The following CNTN5 variants were observed in gnomAD, a reference collection of about 807,000 sequenced individuals.
The protein encoded by CNTN5 is contactin-5.
A neutral mutation model predicts 129.1 loss-of-function variants in CNTN5; 77 were observed. That is an observed-to-expected ratio of 0.60 (90% CI 0.50 to 0.72). The LOEUF (loss-of-function observed/expected upper bound fraction) is 0.72. Ranked by LOEUF, CNTN5 falls within the 30% of genes least tolerant of loss-of-function variation. The probability of loss-of-function intolerance (pLI) is 0.00; values close to 1 mark genes in which losing one functional copy is unlikely to be tolerated. For synonymous variants in CNTN5, 509 were observed against 465.6 expected (o/e 1.09, Z -1.20); for missense variants, 1,478 against 1,328.8 (o/e 1.11, Z -1.75).
intron 2 of CNTN5, among the ~76,000 whole-genome samples, chr11:99,552,207 G>GTT (rs758718492): frequency 0.014 from 2,020 of 146,596 alleles, 53 homozygotes; most frequent in African/African-American, 0.046. Flanking sequence ...CACCTGGTCA[G>GTT]TTTTTGTGTT....
chr11:99,320,031 G>A (rs1168061824), intron 1 of CNTN5, among the ~76,000 whole-genome samples: 1 of 152,170 alleles, frequency 6.6e-6, no homozygotes, highest in Non-Finnish European at 1.5e-5. Flanking sequence ...CTTGACGTCA[G>A]GAGTTCGAGA....
At chr11:99,484,561 C>A (rs2466896) in intron 2 of CNTN5, among the ~76,000 whole-genome samples, 152,325 of 152,326 alleles carry the variant, frequency 1, 76,162 homozygotes, top group Middle Eastern at 1. Flanking sequence ...TCAGTACATC[C>A]AAAAGACATC....
At chr11:100,051,771 G>C (rs532799124) in intron 9 of CNTN5, among the ~76,000 whole-genome samples, 34 of 151,872 alleles carry the variant, frequency 2.2e-4, no homozygotes, top group African/African-American at 7.7e-4. Flanking sequence ...ACATCACTAC[G>C]TCTCTATCCT....
intron 16 of CNTN5, among the ~76,000 whole-genome samples, chr11:100,230,051 A>G (rs1304894913): frequency 4.6e-5 from 7 of 152,218 alleles, no homozygotes; most frequent in Non-Finnish European, 7.3e-5. Context: ...GACAATGACA[A>G]ATGTTTTCAG....
chr11:99,517,506 T>A (rs1947103654), intron 2 of CNTN5, among the ~76,000 whole-genome samples: 1 of 152,150 alleles, frequency 6.6e-6, no homozygotes, highest in Admixed American at 6.6e-5. Flanking sequence ...ACTTAAGGTT[T>A]ATATTCACAC....
chr11:99,044,946 T>C (rs1477086965), intron 1 of CNTN5, among the ~76,000 whole-genome samples: 1 of 152,140 alleles, frequency 6.6e-6, no homozygotes, highest in Non-Finnish European at 1.5e-5. Context: ...GTGTAGTTAT[T>C]CCACCTTTCT....
At chr11:99,744,576 TG>T (rs1200068649) in intron 3 of CNTN5, among the ~76,000 whole-genome samples, 3 of 59,910 alleles carry the variant, frequency 5.0e-5, no homozygotes, top group African/African-American at 1.2e-4. Flanking sequence ...AAAAAAAAGC[TG>T]GGTGTAGTGG....
intron 10 of CNTN5, among the ~76,000 whole-genome samples, chr11:100,061,717 G>T (rs1591160622): frequency 6.6e-6 from 1 of 151,982 alleles, no homozygotes; most frequent in Non-Finnish European, 1.5e-5. Context: ...CTACAACTTG[G>T]CCAGAATCAG....
At chr11:99,216,205 G>A (rs572505989) in intron 1 of CNTN5, among the ~76,000 whole-genome samples, 1 of 151,984 alleles carries the variant, frequency 6.6e-6, no homozygotes, top group Admixed American at 6.6e-5. Context: ...ATCTTCATAA[G>A]TCCAGTATTT....
chr11:100,341,700 C>T (rs545231676), intron 23 of CNTN5, among the ~76,000 whole-genome samples: 1 of 152,174 alleles, frequency 6.6e-6, no homozygotes, highest in Admixed American at 6.5e-5. Flanking sequence ...CATTCACATA[C>T]AGTCATTCTG....
chr11:99,856,852 C>T lies in CNTN5; in HGVS notation c.577+11590C>T, dbSNP rs560775439. 7.2e-5 allele frequency among the ~76,000 whole-genome samples: 11 copies of T among 152,184 alleles called. No homozygotes were observed. In the South Asian group the frequency reaches 1.0e-3, roughly 14 times the overall value. ...GATTTCTCTATAATTATTAGGCTGT[C>T]GTAAACTATATATATAGTCCTAAAA... On this transcript the variant is annotated intron_variant, in intron 6 of 24. Coordinates refer to ENST00000524871, the MANE Select transcript of CNTN5 (RefSeq NM_014361.4).
At chr11:100,218,877 G>T (rs1949200208) in intron 15 of CNTN5, among the ~76,000 whole-genome samples, 1 of 152,142 alleles carries the variant, frequency 6.6e-6, no homozygotes, top group Non-Finnish European at 1.5e-5. Flanking sequence ...GATGATTTTT[G>T]AGGTGGTAAA....
intron 1 of CNTN5, among the ~76,000 whole-genome samples, chr11:99,153,314 A>T (rs921237447): frequency 6.6e-6 from 1 of 152,076 alleles, no homozygotes; most frequent in Non-Finnish European, 1.5e-5. Context: ...TATTTCTTAA[A>T]GGGTTTGTTC....
intron 7 of CNTN5, among the ~76,000 whole-genome samples, chr11:99,953,979 AT>A (rs1281846850): frequency 6.6e-6 from 1 of 151,942 alleles, no homozygotes; most frequent in African/African-American, 2.4e-5. Context: ...TTTAGGTCTT[AT>A]GTTTAAGTCT....
intron 2 of CNTN5, among the ~76,000 whole-genome samples, chr11:99,545,229 G>A (rs1478507347): frequency 6.6e-6 from 1 of 152,134 alleles, no homozygotes; most frequent in Non-Finnish European, 1.5e-5. Flanking sequence ...TCTATTTGCT[G>A]TTTCAAACAT....
At chr11:99,154,540 A>C (rs957879439) in intron 1 of CNTN5, among the ~76,000 whole-genome samples, 1 of 152,166 alleles carries the variant, frequency 6.6e-6, no homozygotes, top group Admixed American at 6.5e-5. Context: ...CGACCTGTGC[A>C]TGTGTGCTGA....
chr11:100,255,104 C>G (rs1950039816), intron 16 of CNTN5, among the ~76,000 whole-genome samples: 1 of 152,160 alleles, frequency 6.6e-6, no homozygotes, highest in Non-Finnish European at 1.5e-5. Context: ...CCTTTATTCA[C>G]TACCTCCCCA....
chr11:99,882,246 C>T (rs1240685310), intron 6 of CNTN5, among the ~76,000 whole-genome samples: 1 of 152,150 alleles, frequency 6.6e-6, no homozygotes, highest in Non-Finnish European at 1.5e-5. Flanking sequence ...GATCTAGATA[C>T]TCTTGTGAAG....
intron 3 of CNTN5, among the ~76,000 whole-genome samples, chr11:99,699,647 ACTTT>A (rs1224095280): frequency 6.6e-6 from 1 of 151,526 alleles, no homozygotes; most frequent in Non-Finnish European, 1.5e-5. Flanking sequence ...AAAATTACTC[ACTTT>A]CTAAGTGTTT....
Sources: allele counts gnomAD v4.1 joint callset (sites outside exome capture counted in the v4.1 genomes callset), GRCh38; gene constraint gnomAD v4.1.1; transcripts MANE v1.5; gene names NCBI Gene and HGNC (gene_info 2026-07-23, HGNC 2026-07-21).